The following SLC12A1 variants were observed in gnomAD, a reference collection of about 807,000 sequenced individuals.
SLC12A1 encodes the protein Na-K-2Cl cotransporter.
In SLC12A1, 89 loss-of-function variants were observed where a neutral mutation model predicts 130.4. The observed-to-expected ratio is 0.68, with a 90% confidence interval of 0.58 to 0.81. The LOEUF (loss-of-function observed/expected upper bound fraction) is 0.81, where lower values mean the gene tolerates loss of function less well. Among genes scored for constraint, SLC12A1 ranks in the 40% least tolerant of loss-of-function variants. The pLI is 0.00. For missense variants in SLC12A1, 1,310 were observed against 1,336.4 expected (o/e 0.98, Z 0.31); for synonymous variants, 499 against 460.0 (o/e 1.08, Z -1.09).
intron 23 of SLC12A1, among the ~76,000 whole-genome samples, chr15:48,288,803 A>G (rs1408376405): frequency 6.6e-6 from 1 of 152,174 alleles, no homozygotes; most frequent in Non-Finnish European, 1.5e-5. Context: ...TATCTCATAT[A>G]ATGCTTATTT....
rs2041931668 is a variant in SLC12A1, at chr15:48,274,639, T to A, written c.2471T>A (p.Val824Asp). The A allele has an allele frequency of 6.2e-7, 1 of 1,611,664 alleles. No individual in the cohort carries two copies. The change falls in exon 20 of 27, where the codon GTT (valine) becomes GAT (aspartate). Residue 824 changes from valine (V) to aspartate (D), a missense_variant. Transcript: ENST00000380993. Reference sequence around the variant, plus strand: ...AGCCAAGGATTTGACATCTCTCAGGTTCTTCAGGTGCAAGGTATGTACTTT... The same window carrying A: ...AGCCAAGGATTTGACATCTCTCAGGATCTTCAGGTGCAAGGTATGTACTTT... The part of the protein sequence containing the change: ...RISQGFDISQ[V>D]LQVQEELERL...
rs1281789726 is a variant in SLC12A1 at position 48,227,069 on chromosome 15, G to C, written c.724+498G>C. The C allele has an allele frequency of 1.9e-6, 3 of 1,546,156 alleles. No homozygotes were observed. In the African/African-American group the frequency reaches 4.1e-5, roughly 21 times the overall value. ...CTGGAACCAAACACCTTTCTTGGGG[G>C]ATTTTGCAGGTCTTGGAGTCATCAT... On this transcript the variant is annotated intron_variant, in intron 5 of 26. Transcript: ENST00000380993.
intron 4 of SLC12A1, among the ~76,000 whole-genome samples, chr15:48,222,086 A>G (rs1358230121): frequency 6.6e-6 from 1 of 152,220 alleles, no homozygotes; most frequent in African/African-American, 2.4e-5. Context: ...TTTATGATGC[A>G]TAACAAATGA....
chr15:48,274,801 T>G lies in SLC12A1; in HGVS notation c.2485+148T>G, dbSNP rs1339523737. The G allele has an allele frequency of 5.5e-6, 3 of 544,538 alleles. No individual in the cohort carries two copies. In the African/African-American group the frequency reaches 5.7e-5, roughly 10 times the overall value. 33.7% of individuals were successfully genotyped at this position (544,538 alleles called of 1,614,324 possible). A position where few individuals can be genotyped will look rare whatever the true frequency, so the allele number is the denominator to read the frequency against. On this transcript the variant is annotated intron_variant, in intron 20 of 26. Coordinates refer to ENST00000380993, the MANE Select transcript of SLC12A1 (RefSeq NM_000338.3). ...TAGTGCTACTCGTAGTGCATATAGT[T>G]CCCCCAGTATTTTCTTCAATGCTAA... is the stretch of plus-strand genomic sequence containing the variant.
At position 48,221,004 on chromosome 15, in the gene SLC12A1, T is replaced by A; in HGVS notation, c.628+8T>A. The A allele has an allele frequency of 6.2e-7, 1 of 1,611,372 alleles. No homozygotes were observed. Among genetic ancestry groups the A allele is most frequent in the Non-Finnish European group, 8.5e-7 (1 of 1,177,538 alleles). ...TTGGAGAAGCTGGAATTGGTAAGCATTTTTCCCCTCCTAAATAATTTTGCA... is the reference window on the plus strand; with the variant it reads ...TTGGAGAAGCTGGAATTGGTAAGCAATTTTCCCCTCCTAAATAATTTTGCA... On this transcript the variant is annotated splice_region_variant and intron_variant, in intron 4 of 26. Coordinates refer to ENST00000380993, the MANE Select transcript of SLC12A1 (RefSeq NM_000338.3).
intron 2 of SLC12A1, among the ~76,000 whole-genome samples, chr15:48,214,899 T>C (rs572849419): frequency 1.7e-4 from 26 of 152,094 alleles, no homozygotes; most frequent in African/African-American, 6.0e-4. Flanking sequence ...AAAGAAAGTT[T>C]AAAACAACAG....
At chr15:48,215,086 G>C (rs1381656535) in intron 2 of SLC12A1, among the ~76,000 whole-genome samples, 2 of 151,532 alleles carry the variant, frequency 1.3e-5, no homozygotes, top group Non-Finnish European at 2.9e-5. Flanking sequence ...TAGACATAAA[G>C]ATGTAAGTAA....
intron 15 of SLC12A1, among the ~76,000 whole-genome samples, chr15:48,252,965 T>C (rs1031003545): frequency 1.3e-5 from 2 of 152,086 alleles, no homozygotes; most frequent in Non-Finnish European, 2.9e-5. Flanking sequence ...TTGTGAGCAA[T>C]AGGAAGATGC....
intron 6 of SLC12A1, 66 bp downstream of exon 6, chr15:48,229,394 C>T (rs772765480): frequency 5.5e-5 from 80 of 1,463,160 alleles, no homozygotes; most frequent in Non-Finnish European, 6.9e-5. Flanking sequence ...CTTCTCAGGG[C>T]ACTAAGGGAT....
chr15:48,224,650 G>T (rs909158607), intron 4 of SLC12A1: 1 of 152,162 alleles, frequency 6.6e-6, no homozygotes, highest in African/African-American at 2.4e-5. Flanking sequence ...ATCCAAAATT[G>T]TCTCTGGTAA....
intron 10 of SLC12A1, among the ~76,000 whole-genome samples, chr15:48,243,789 T>C (rs1341283129): frequency 6.6e-6 from 1 of 152,248 alleles, no homozygotes; most frequent in Non-Finnish European, 1.5e-5. Flanking sequence ...AAAGGTATTA[T>C]TAGCAAGGCA....
intron 10 of SLC12A1, among the ~76,000 whole-genome samples, chr15:48,243,395 C>A (rs564487641): frequency 6.6e-6 from 1 of 152,074 alleles, no homozygotes; most frequent in Non-Finnish European, 1.5e-5. Context: ...CAGTGGCTCA[C>A]GCCTGTAATC....
Position 48,249,773 on chromosome 15 carries a change from T to C in SLC12A1, c.1786+97T>C, listed in dbSNP as rs188524994. The C allele has an allele frequency of 5.0e-4, 437 of 874,042 alleles. 3 individuals are homozygous for C. The African/African-American group carries it at 6.8e-3, about 14-fold the overall frequency. 54.1% of individuals were successfully genotyped at this position (874,042 alleles called of 1,614,324 possible). A position where few individuals can be genotyped will look rare whatever the true frequency, so the allele number is the denominator to read the frequency against. ...GTGAAAAGTGTTCAATCTGTGTTTATATGTTTCCTTATATCCTAGTGGGAA... is the reference window on the plus strand; with the variant it reads ...GTGAAAAGTGTTCAATCTGTGTTTACATGTTTCCTTATATCCTAGTGGGAA... On this transcript the variant is annotated intron_variant, in intron 14 of 26. Transcript: ENST00000380993.
chr15:48,237,782 C>T (rs370750698), intron 9 of SLC12A1, among the ~76,000 whole-genome samples: 2 of 152,016 alleles, frequency 1.3e-5, no homozygotes, highest in Non-Finnish European at 2.9e-5. Flanking sequence ...AGAGACTCTA[C>T]GGAGGTTAGA....
At chr15:48,216,997 C>A (rs1237892576) in intron 2 of SLC12A1, among the ~76,000 whole-genome samples, 1 of 151,886 alleles carries the variant, frequency 6.6e-6, no homozygotes, top group African/African-American at 2.4e-5. Context: ...CATGGCTAGT[C>A]CAAATTGAGA....
intron 11 of SLC12A1, 31 bp downstream of exon 11, chr15:48,244,935 C>T (rs2041560801): frequency 6.2e-7 from 1 of 1,601,866 alleles, no homozygotes; most frequent in Non-Finnish European, 8.6e-7. Context: ...ATGTTCACTG[C>T]TATTATTTTC....
chr15:48,272,834 G>A (rs925766502), intron 19 of SLC12A1, among the ~76,000 whole-genome samples: 6 of 152,078 alleles, frequency 3.9e-5, no homozygotes, highest in African/African-American at 9.7e-5. Context: ...TAGGCTGGGC[G>A]CAGTGGCTCA....
intron 13 of SLC12A1, among the ~76,000 whole-genome samples, chr15:48,249,282 G>A (rs1456283678): frequency 6.6e-6 from 1 of 151,592 alleles, no homozygotes; most frequent in East Asian, 1.9e-4. Flanking sequence ...AAAGCTACAG[G>A]GAGTTAATTG....
chr15:48,301,509 G>C (rs554972659), intron 26 of SLC12A1, 127 bp downstream of exon 26: 8 of 506,844 alleles, frequency 1.6e-5, no homozygotes, highest in Admixed American at 3.2e-5. Flanking sequence ...TTTTGGGGGG[G>C]GGAACACGTG....
Sources: allele counts gnomAD v4.1 joint callset (sites outside exome capture counted in the v4.1 genomes callset), GRCh38; gene constraint gnomAD v4.1.1; transcripts MANE v1.5; gene names NCBI Gene and HGNC (gene_info 2026-07-23, HGNC 2026-07-21).